The following ELOVL7 variants were observed in gnomAD, a reference collection of about 807,000 sequenced individuals.
ELOVL7 encodes the protein very long chain fatty acid elongase 7.
A neutral mutation model predicts 35.7 loss-of-function variants in ELOVL7; 27 were observed. That is an observed-to-expected ratio of 0.76 (90% CI 0.56 to 1.04). The LOEUF is 1.04. ELOVL7 is among the 50% of genes least tolerant of loss of function. ELOVL7 has a pLI of 0.00. For missense variants in ELOVL7, 327 were observed against 340.8 expected, an observed-to-expected ratio of 0.96 and a Z score of 0.32; for synonymous variants, 113 against 114.6, an observed-to-expected ratio of 0.99 and a Z score of 0.09.
chr5:60,775,135 C>T (rs995483442), intron 3 of ELOVL7, among the ~76,000 whole-genome samples: 16 of 152,162 alleles, frequency 1.1e-4, no homozygotes, highest in African/African-American at 3.6e-4. Context: ...AAATCAGTAG[C>T]ATTTCTATGC....
chr5:60,815,166 G>A (rs541946097), intron 1 of ELOVL7, among the ~76,000 whole-genome samples: 6 of 152,292 alleles, frequency 3.9e-5, no homozygotes, highest in Admixed American at 1.3e-4. Flanking sequence ...TAACAAGTGT[G>A]ATTTTAATTG....
chr5:60,830,143 T>C (rs550981081), intron 1 of ELOVL7, among the ~76,000 whole-genome samples: 5 of 152,284 alleles, frequency 3.3e-5, no homozygotes, highest in African/African-American at 1.2e-4. Context: ...TGTCAGGTCC[T>C]TGGGGTTGGG....
intron 1 of ELOVL7, among the ~76,000 whole-genome samples, chr5:60,804,217 T>C (rs1476341598): frequency 6.6e-6 from 1 of 152,248 alleles, no homozygotes; most frequent in Admixed American, 6.5e-5. Flanking sequence ...CTAAACATTG[T>C]GCTACTTAAT....
intron 1 of ELOVL7, among the ~76,000 whole-genome samples, chr5:60,804,859 G>A (rs1744837295): frequency 6.6e-6 from 1 of 152,060 alleles, no homozygotes; most frequent in Admixed American, 6.6e-5. Context: ...TAACTTTTAG[G>A]CATCTATTAT....
chr5:60,832,573 C>T (rs1746543853), intron 1 of ELOVL7, among the ~76,000 whole-genome samples: 1 of 152,150 alleles, frequency 6.6e-6, no homozygotes, highest in Non-Finnish European at 1.5e-5. Flanking sequence ...ACCATGCTGG[C>T]CAGGATGGTC....
At chr5:60,769,668 G>A (rs1220629155) in intron 4 of ELOVL7, among the ~76,000 whole-genome samples, 1 of 152,176 alleles carries the variant, frequency 6.6e-6, no homozygotes, top group African/African-American at 2.4e-5. Context: ...GCTATCAAAA[G>A]CCTTTGTTTA....
At chr5:60,771,525 G>A (rs1218697020) in intron 4 of ELOVL7, among the ~76,000 whole-genome samples, 2 of 152,152 alleles carry the variant, frequency 1.3e-5, no homozygotes, top group Non-Finnish European at 2.9e-5. Flanking sequence ...ACTTTTTACT[G>A]AGTCAAGATG....
At chr5:60,820,370 G>T (rs925945586) in intron 1 of ELOVL7, among the ~76,000 whole-genome samples, 2 of 152,216 alleles carry the variant, frequency 1.3e-5, no homozygotes, top group African/African-American at 4.8e-5. Flanking sequence ...TAATACATTT[G>T]TGTTATTTCA....
chr5:60,759,475 T>C (rs910127694), intron 7 of ELOVL7, among the ~76,000 whole-genome samples: 1 of 152,142 alleles, frequency 6.6e-6, no homozygotes, highest in Admixed American at 6.6e-5. Context: ...ATAAGCCAAA[T>C]ACCTCTCAAA....
chr5:60,786,414 G>A (rs1743588899), intron 3 of ELOVL7, among the ~76,000 whole-genome samples: 1 of 152,112 alleles, frequency 6.6e-6, no homozygotes, highest in East Asian at 1.9e-4. Context: ...AGAGATAACT[G>A]CTAAACCCCA....
chr5:60,834,165 G>T (rs547971763), intron 1 of ELOVL7, among the ~76,000 whole-genome samples: 2 of 151,024 alleles, frequency 1.3e-5, no homozygotes, highest in African/African-American at 4.9e-5. Context: ...TTTTTGAGAC[G>T]GAGTCTCGCT....
At chr5:60,815,562 A>G (rs1300160977) in intron 1 of ELOVL7, among the ~76,000 whole-genome samples, 1 of 12,138 alleles carries the variant, frequency 8.2e-5, no homozygotes, top group Non-Finnish European at 2.0e-4. Flanking sequence ...TTTATAAATA[A>G]ATAAAATTTA....
At chr5:60,831,050 C>T (rs1248784438) in intron 1 of ELOVL7, among the ~76,000 whole-genome samples, 1 of 152,064 alleles carries the variant, frequency 6.6e-6, no homozygotes. Context: ...TAACACATTG[C>T]AAATAGCTAA....
chr5:60,807,126 A>G (rs1206047412), intron 1 of ELOVL7, among the ~76,000 whole-genome samples: 1 of 152,008 alleles, frequency 6.6e-6, no homozygotes, highest in African/African-American at 2.4e-5. Flanking sequence ...GTAACCTCAC[A>G]TCGGAGGAGA....
In ELOVL7 at chr5:60,830,612, T is replaced by TC. The variant is rs202083014; in HGVS notation, c.-86+13547_-86+13548insG. Among the ~76,000 whole-genome samples the TC allele has an allele frequency of 6.6e-3, 991 of 150,088 alleles. 9 individuals are homozygous for TC. Among genetic ancestry groups the TC allele is most frequent in the Non-Finnish European group, 9.9e-3 (667 of 67,340 alleles). On this transcript the variant is annotated intron_variant, in intron 1 of 8. Transcript: ENST00000508821. ...GAGGCTTTTTTTTTCTTTCTTTCTT[T>TC]TTTTTTTTTTTTGGTAGTATGACTA...
At chr5:60,833,283 A>G (rs907915513) in intron 1 of ELOVL7, among the ~76,000 whole-genome samples, 2 of 152,228 alleles carry the variant, frequency 1.3e-5, no homozygotes, top group Non-Finnish European at 2.9e-5. Flanking sequence ...CAACAGTATA[A>G]GAGGTCAGCC....
chr5:60,827,783 C>T (rs1033133787), intron 1 of ELOVL7, among the ~76,000 whole-genome samples: 9 of 152,154 alleles, frequency 5.9e-5, no homozygotes, highest in Admixed American at 4.6e-4. Flanking sequence ...TCCATGATCA[C>T]AACCAACACA....
intron 1 of ELOVL7, among the ~76,000 whole-genome samples, chr5:60,824,919 T>C (rs1746083396): frequency 2.0e-5 from 3 of 152,070 alleles, no homozygotes; most frequent in South Asian, 4.1e-4. Context: ...ATCTGGGCCC[T>C]GACTACCTCT....
intron 1 of ELOVL7, among the ~76,000 whole-genome samples, chr5:60,817,957 T>C (rs1745628959): frequency 6.6e-6 from 1 of 151,036 alleles, no homozygotes; most frequent in African/African-American, 2.4e-5. Context: ...TGTCCACCAA[T>C]ATGAGACTTG....
Sources: allele counts gnomAD v4.1 joint callset (sites outside exome capture counted in the v4.1 genomes callset), GRCh38; gene constraint gnomAD v4.1.1; transcripts MANE v1.5; gene names NCBI Gene and HGNC (gene_info 2026-07-23, HGNC 2026-07-21).